Variants in RAB11FIP3 observed in about 807,000 individuals in gnomAD.
The protein encoded by RAB11FIP3 is RAB11 family interacting protein 3, also known as rab11 family-interacting protein 3.
In RAB11FIP3, 17 loss-of-function variants were observed where a neutral mutation model predicts 77.8. The observed-to-expected ratio is 0.22, with a 90% CI of 0.15 to 0.33. RAB11FIP3 has a LOEUF of 0.33. RAB11FIP3 is among the 10% of genes least tolerant of loss of function. RAB11FIP3 has a pLI of 1.00. For missense variants in RAB11FIP3, 1,005 were observed against 1,011.2 expected (o/e 0.99, Z 0.08); for synonymous variants, 437 against 448.2 (o/e 0.98, Z 0.31).
intron 2 of RAB11FIP3, among the ~76,000 whole-genome samples, chr16:465,758 C>T (rs1004029946): frequency 6.6e-6 from 1 of 152,138 alleles, no homozygotes; most frequent in Non-Finnish European, 1.5e-5. Context: ...CACAGGCTCG[C>T]GCTGCCACAC....
At chr16:428,412 C>T (rs769536787) in intron 1 of RAB11FIP3, among the ~76,000 whole-genome samples, 3 of 152,144 alleles carry the variant, frequency 2.0e-5, no homozygotes, top group Non-Finnish European at 2.9e-5. Flanking sequence ...TTGGCTACTG[C>T]GCTGTCTCTT....
intron 3 of RAB11FIP3, among the ~76,000 whole-genome samples, chr16:479,911 CTG>C (rs955985999): frequency 6.9e-4 from 103 of 150,318 alleles, no homozygotes; most frequent in African/African-American, 2.4e-3. Flanking sequence ...AAGAGAGACA[CTG>C]TCTCAAACAA....
intron 9 of RAB11FIP3, among the ~76,000 whole-genome samples, chr16:518,704 GAC>G (rs199778454): frequency 0.017 from 2,629 of 152,256 alleles, 69 homozygotes; most frequent in African/African-American, 0.06. Context: ...CCAGCCTGGT[GAC>G]AGAGTGCGAC....
At position 499,276 on chromosome 16, in the gene RAB11FIP3, C is replaced by A. The variant is rs371711970; in HGVS notation, c.1301+2417C>A. ...AACGTGACGTGCATCCCCAGCTACA[C>A]TTCTGTTACCACTTCAGCATCACCT... is the stretch of plus-strand genomic sequence containing the variant. On this transcript the variant is annotated intron_variant, in intron 6 of 13. Coordinates refer to ENST00000262305, the MANE Select transcript of RAB11FIP3 (RefSeq NM_014700.4). Among the ~76,000 whole-genome samples the A allele has an allele frequency of 8.2e-4, 125 of 152,284 alleles. 2 individuals are homozygous for A. The highest frequency in any genetic ancestry group is 2.7e-3 in the African/African-American group (114 of 41,546).
At chr16:486,402 G>A (rs974925738) in intron 4 of RAB11FIP3, among the ~76,000 whole-genome samples, 7 of 152,312 alleles carry the variant, frequency 4.6e-5, no homozygotes, top group Non-Finnish European at 1.0e-4. Context: ...TGAGGCAGGA[G>A]AATCGCTTGA....
intron 6 of RAB11FIP3, 90 bp downstream of exon 6, chr16:496,949 C>G: frequency 7.2e-7 from 1 of 1,383,062 alleles, no homozygotes; most frequent in East Asian, 2.3e-5. Flanking sequence ...TGTTCTTTTC[C>G]AAGGTATTTT....
chr16:517,433 T>C (rs2032465474), intron 9 of RAB11FIP3, among the ~76,000 whole-genome samples: 1 of 152,058 alleles, frequency 6.6e-6, no homozygotes, highest in South Asian at 2.1e-4. Context: ...CCACGTGTGG[T>C]GGGGCACACG....
chr16:479,347 G>A (rs915795252), intron 3 of RAB11FIP3, among the ~76,000 whole-genome samples: 2 of 151,648 alleles, frequency 1.3e-5, no homozygotes, highest in African/African-American at 4.8e-5. Context: ...AGCCAAGACC[G>A]CACGACTGCA....
intron 8 of RAB11FIP3, among the ~76,000 whole-genome samples, chr16:508,483 C>T (rs2031980023): frequency 6.6e-6 from 1 of 152,206 alleles, no homozygotes; most frequent in Non-Finnish European, 1.5e-5. Context: ...AAGTGATTCT[C>T]CTGCCTCAGC....
At position 471,534 on chromosome 16, in the gene RAB11FIP3, G is replaced by T; in HGVS notation, c.903+145G>T. 1.4e-6 allele frequency: 1 copy of T among 698,774 alleles called. No homozygotes were observed. The highest frequency in any genetic ancestry group is 1.7e-5 in the South Asian group (1 of 58,474). 43.3% of individuals were successfully genotyped at this position (698,774 alleles called of 1,614,324 possible). ...GCCTCCCGCCCTGTGTGCACCGTGG[G>T]GCTCTGTGGCTGTGACGGGAGGCCC... is the stretch of plus-strand genomic sequence containing the variant. On this transcript the variant is annotated intron_variant, in intron 3 of 13. Transcript: ENST00000262305. The surrounding 1 kb of genome is among the most constrained non-coding windows in gnomAD (Gnocchi z 4.4).
At chr16:470,054 T>G (rs941830366) in intron 2 of RAB11FIP3, among the ~76,000 whole-genome samples, 2 of 151,240 alleles carry the variant, frequency 1.3e-5, no homozygotes, top group Admixed American at 1.3e-4. Context: ...GAGTGCAGAG[T>G]GGTGTGATTT....
chr16:474,454 G>A (rs1039790202), intron 3 of RAB11FIP3, among the ~76,000 whole-genome samples: 1 of 152,136 alleles, frequency 6.6e-6, no homozygotes, highest in Non-Finnish European at 1.5e-5. Context: ...AGTGGGGAGA[G>A]TAGAAGGGGA....
At chr16:464,898 A>C (rs571479785) in intron 2 of RAB11FIP3, among the ~76,000 whole-genome samples, 2 of 152,326 alleles carry the variant, frequency 1.3e-5, no homozygotes, top group East Asian at 3.9e-4. Flanking sequence ...AAAACAAACA[A>C]AACAAAAAAA....
Position 472,261 on chromosome 16 carries a change from C to T in RAB11FIP3, c.903+872C>T, listed in dbSNP as rs2055822602. On this transcript the variant is annotated intron_variant, in intron 3 of 13. Coordinates refer to ENST00000262305, the MANE Select transcript of RAB11FIP3 (RefSeq NM_014700.4). This position sits in a 1 kb window ranked among gnomAD's most constrained non-coding sequence, Gnocchi z 4.1. ...AGCTGCCCCAGGGATTAGTCACCCT[C>T]ACCCTTGGGTGGGCAGCTTAACTTC... is the stretch of plus-strand genomic sequence containing the variant. Among the ~76,000 whole-genome samples, 1 of 152,248 alleles carries T rather than the reference C, an allele frequency of 6.6e-6. No homozygotes were observed. The highest frequency in any genetic ancestry group is 6.5e-5 in the Admixed American group (1 of 15,288).
Position 520,142 on chromosome 16 carries a change from G to T in RAB11FIP3, c.1881G>T (p.Lys627Asn), listed in dbSNP as rs1173071666. Residue 627 changes from lysine to asparagine, a missense_variant, in exon 12 of 14, where the codon AAG (lysine) becomes AAT (asparagine). Lys to Asn is a moderately conservative substitution (Grantham distance 94, BLOSUM62 0). Coordinates refer to ENST00000262305, the MANE Select transcript of RAB11FIP3 (RefSeq NM_014700.4). ...ATQELIEDLR[K>N]QLEHLQLLKL... Reference sequence around the variant, plus strand: ...TGCAGCTGATCGAGGACCTCCGAAAGCAGCTGGAGCACCTGCAGCTCCTCA... The same window carrying T: ...TGCAGCTGATCGAGGACCTCCGAAATCAGCTGGAGCACCTGCAGCTCCTCA... 6.5e-7 allele frequency: 1 copy of T among 1,546,186 alleles called. No homozygotes were observed. The highest frequency in any genetic ancestry group is 2.0e-5 in the Admixed American group (1 of 51,160).
chr16:522,044 T>TGTGTGCGCGCGCGTGTGTGCGTGCGTGC lies in RAB11FIP3; in HGVS notation c.*1205_*1206insGTGTGCGCGCGCGTGTGTGCGTGCGTGC, dbSNP rs58290701. ...CGCTGCGTGTGTGTGCGCGCGCGTGTACGTGTGGCCCCACATCCGCCGCCT... is the reference window on the plus strand; with the variant it reads ...CGCTGCGTGTGTGTGCGCGCGCGTGTGTGTGCGCGCGCGTGTGTGCGTGCGTGCACGTGTGGCCCCACATCCGCCGCCT... On this transcript the variant is annotated 3_prime_UTR_variant, in exon 14 of 14. Transcript: ENST00000262305. The TGTGTGCGCGCGCGTGTGTGCGTGCGTGC allele has an allele frequency of 4.6e-5, 7 of 151,850 alleles. No homozygotes were observed. Among genetic ancestry groups the TGTGTGCGCGCGCGTGTGTGCGTGCGTGC allele is most frequent in the African/African-American group, 1.5e-4 (6 of 41,348 alleles). The allele number at this position is 151,850 out of a possible 1,614,324, so 9.4% of individuals were successfully genotyped here.
chr16:482,659 C>T lies in RAB11FIP3; in HGVS notation c.1038C>T (p.Gly346=), dbSNP rs141824853. The T allele has an allele frequency of 1.6e-5, 25 of 1,612,822 alleles. No individual in the cohort carries two copies. Among genetic ancestry groups the T allele is most frequent in the African/African-American group, 4.0e-5 (3 of 74,944 alleles). ...CTGAAGGGGACGCAGACAGTGCCGGCGGCTCGGCCGTGCCCTCTGAGTGCC... is the reference window on the plus strand; with the variant it reads ...CTGAAGGGGACGCAGACAGTGCCGGTGGCTCGGCCGTGCCCTCTGAGTGCC... ...LQPEGDADSA[G]GSAVPSECLD... is the part of the protein sequence containing the mutation. Residue 346 remains glycine (G), a synonymous_variant, in exon 4 of 14, where the codon GGC becomes GGT. Transcript: ENST00000262305.
rs2032695231 is a variant in RAB11FIP3, at chr16:521,653, C to T, written c.*814C>T. 6.6e-6 allele frequency: 1 copy of T among 152,378 alleles called. No individual in the cohort carries two copies. The highest frequency in any genetic ancestry group is 2.1e-4 in the South Asian group (1 of 4,842). The allele number at this position is 152,378 out of a possible 1,614,324, so 9.4% of individuals were successfully genotyped here. The stretch of plus-strand genomic sequence containing the variant: ...GACCTGAGATGACCGCTGTGTGGCG[C>T]TCTCTCCCTGGGCAGGGTGGATGCC... On this transcript the variant is annotated 3_prime_UTR_variant, in exon 14 of 14. Transcript: ENST00000262305.
chr16:434,589 C>G (rs7205883), intron 1 of RAB11FIP3, among the ~76,000 whole-genome samples: 62,702 of 151,778 alleles, frequency 0.41, 13,171 homozygotes, highest in South Asian at 0.55. Flanking sequence ...ACCACACCTG[C>G]CTAATTTTTC....
Sources: allele counts gnomAD v4.1 joint callset (sites outside exome capture counted in the v4.1 genomes callset), GRCh38; gene constraint gnomAD v4.1.1; non-coding constraint Gnocchi (gnomAD v3.1); transcripts MANE v1.5; gene names NCBI Gene and HGNC (gene_info 2026-07-23, HGNC 2026-07-21).